ADAM22: variants seen among roughly 807,000 people sequenced by gnomAD.
The protein encoded by ADAM22 is disintegrin and metalloproteinase domain-containing protein 22.
Under a neutral mutation model 144.6 loss-of-function variants are expected in ADAM22, and 65 were observed. That is an observed-to-expected ratio of 0.45 (90% CI 0.37 to 0.55). The LOEUF is 0.55. Among genes scored for constraint, ADAM22 ranks in the 20% least tolerant of loss-of-function variants. ADAM22 has a pLI of 0.00. For synonymous variants in ADAM22, 391 were observed against 412.6 expected (o/e 0.95, Z 0.63); for missense variants, 974 against 1,184.9 (o/e 0.82, Z 2.61).
intron 29 of ADAM22, chr7:88,186,127 G>A (rs927367535): frequency 2.7e-5 from 5 of 187,092 alleles, no homozygotes; most frequent in South Asian, 1.2e-4. Flanking sequence ...CAGTGGTCAC[G>A]TAAAAGCCTT....
intron 4 of ADAM22, among the ~76,000 whole-genome samples, chr7:88,103,214 A>G (rs1242145782): frequency 1.3e-5 from 2 of 152,142 alleles, no homozygotes. Context: ...GATAGAGGGC[A>G]TGTGACTATG....
At chr7:88,089,959 C>CT (rs1230659375) in intron 4 of ADAM22, 1 of 152,014 alleles carries the variant, frequency 6.6e-6, no homozygotes, top group Non-Finnish European at 1.5e-5. Context: ...ATTGGAATTT[C>CT]TTTTTTCTAA....
intron 7 of ADAM22, among the ~76,000 whole-genome samples, chr7:88,124,523 C>T (rs1055172700): frequency 1.3e-5 from 2 of 150,460 alleles, no homozygotes; most frequent in African/African-American, 4.9e-5. Flanking sequence ...TTAAGTCTTG[C>T]ATTAAAAAAA....
chr7:87,991,343 A>T (rs1433076954), intron 3 of ADAM22, among the ~76,000 whole-genome samples: 1 of 145,562 alleles, frequency 6.9e-6, no homozygotes, highest in Non-Finnish European at 1.5e-5. Context: ...GACAGCTATC[A>T]CTAGCCTTAT....
At chr7:88,114,951 G>A (rs754687779) in intron 6 of ADAM22, among the ~76,000 whole-genome samples, 5 of 152,126 alleles carry the variant, frequency 3.3e-5, no homozygotes. Context: ...AAAACCACAA[G>A]TGTTTTTTAA....
intron 3 of ADAM22, among the ~76,000 whole-genome samples, chr7:88,067,898 T>C (rs968740411): frequency 2.6e-5 from 4 of 152,080 alleles, no homozygotes; most frequent in Non-Finnish European, 4.4e-5. Flanking sequence ...AGAGAGAAAT[T>C]ATATTTACAA....
chr7:88,089,236 A>G (rs575248395), intron 4 of ADAM22, among the ~76,000 whole-genome samples: 17 of 152,234 alleles, frequency 1.1e-4, no homozygotes, highest in African/African-American at 3.6e-4. Context: ...TTTCTATAAG[A>G]GTAAGAAGAG....
chr7:88,160,315 A>G (rs1841227308), intron 22 of ADAM22, among the ~76,000 whole-genome samples: 1 of 152,220 alleles, frequency 6.6e-6, no homozygotes, highest in Non-Finnish European at 1.5e-5. Context: ...ATATTATTCA[A>G]ATGGCCATAC....
intron 3 of ADAM22, among the ~76,000 whole-genome samples, chr7:88,017,422 G>A (rs1034092423): frequency 1.3e-5 from 2 of 152,008 alleles, no homozygotes; most frequent in Admixed American, 1.3e-4. Flanking sequence ...AAAATAAAAG[G>A]ACAAAAGTAC....
chr7:88,060,019 A>T (rs137967832), intron 3 of ADAM22, among the ~76,000 whole-genome samples: 85 of 152,218 alleles, frequency 5.6e-4, no homozygotes, highest in African/African-American at 2.0e-3. Flanking sequence ...AAACCCCAAT[A>T]CTGTGTTTAC....
chr7:88,176,944 T>G (rs1458495765), intron 26 of ADAM22, among the ~76,000 whole-genome samples: 1 of 152,064 alleles, frequency 6.6e-6, no homozygotes, highest in Non-Finnish European at 1.5e-5. Context: ...TTTGTATTTA[T>G]TGTAGAGATG....
intron 31 of ADAM22, among the ~76,000 whole-genome samples, chr7:88,194,797 T>C (rs1351777302): frequency 7.9e-5 from 12 of 152,084 alleles, no homozygotes; most frequent in Admixed American, 5.9e-4. Context: ...TCGTCTTTGC[T>C]CCAGACCCAC....
chr7:88,125,771 C>A, intron 8 of ADAM22, 112 bp downstream of exon 8: 1 of 866,450 alleles, frequency 1.2e-6, no homozygotes, highest in Non-Finnish European at 1.7e-6. Context: ...GGGAATTTGT[C>A]AGGGTGTGAT....
chr7:87,957,546 C>T (rs1444929628), intron 2 of ADAM22, among the ~76,000 whole-genome samples: 1 of 152,032 alleles, frequency 6.6e-6, no homozygotes, highest in Non-Finnish European at 1.5e-5. Context: ...TGTCTTGCAA[C>T]TGGTGTGCAT....
intron 3 of ADAM22, among the ~76,000 whole-genome samples, chr7:88,000,465 A>C (rs927323707): frequency 6.6e-6 from 1 of 152,204 alleles, no homozygotes; most frequent in South Asian, 2.1e-4. Context: ...GATTAAAAAA[A>C]CTGGAATAGG....
chr7:88,118,577 A>G (rs924041922), intron 7 of ADAM22, among the ~76,000 whole-genome samples: 2 of 151,792 alleles, frequency 1.3e-5, no homozygotes, highest in Admixed American at 6.6e-5. Context: ...TAATATTTAA[A>G]GTAATAAATA....
At chr7:87,957,475 A>G (rs972074366) in intron 2 of ADAM22, among the ~76,000 whole-genome samples, 3 of 152,204 alleles carry the variant, frequency 2.0e-5, no homozygotes, top group Non-Finnish European at 4.4e-5. Flanking sequence ...AACTAACGTT[A>G]TAGATTCAGA....
chr7:88,087,348 C>G (rs1283474056), intron 4 of ADAM22, among the ~76,000 whole-genome samples: 2 of 152,120 alleles, frequency 1.3e-5, no homozygotes, highest in African/African-American at 4.8e-5. Context: ...AGGCATTTCT[C>G]TCAAATTCAG....
intron 4 of ADAM22, among the ~76,000 whole-genome samples, chr7:88,089,621 C>T (rs528675617): frequency 2.0e-5 from 3 of 152,282 alleles, no homozygotes; most frequent in East Asian, 3.9e-4. Flanking sequence ...ATTCTCACTT[C>T]AGTAGCTTCT....
Sources: gnomAD v4.1 joint callset for allele counts (sites outside exome capture counted in the v4.1 genomes callset) on GRCh38, gnomAD v4.1.1 for gene constraint, MANE v1.5 for transcripts, NCBI Gene and HGNC (gene_info 2026-07-23, HGNC 2026-07-21) for gene names.